The following GALNT18 variants were observed in gnomAD, a reference collection of about 807,000 sequenced individuals.
GALNT18 encodes the protein polypeptide N-acetylgalactosaminyltransferase 18, also known as GalNAc-transferase 18.
In GALNT18, 44 loss-of-function variants were observed where a neutral mutation model predicts 69.5. The observed-to-expected ratio is 0.63, with a 90% CI of 0.50 to 0.81. GALNT18 has a LOEUF of 0.81. GALNT18 is among the 40% of genes least tolerant of loss of function. GALNT18 has a pLI of 0.00. For missense variants in GALNT18, 715 were observed against 810.0 expected, an observed-to-expected ratio of 0.88 and a Z score of 1.42; for synonymous variants, 364 against 318.2, an observed-to-expected ratio of 1.14 and a Z score of -1.53.
At position 11,515,326 on chromosome 11, in the gene GALNT18, T is replaced by G. The variant is rs539619782; in HGVS notation, c.236-66390A>C. Among the ~76,000 whole-genome samples, 10 of 125,072 alleles carry G rather than the reference T, an allele frequency of 8.0e-5. No individual in the cohort carries two copies. In the East Asian group the frequency reaches 2.7e-3, roughly 33 times the overall value. The allele number at this position is 125,072 out of a possible 152,430, so 82.1% of individuals were successfully genotyped here. ...CCCATTTTATAGACAAATAGATTAA[T>G]ACTCCTGTTTTACAAAAAAGGGCGG... On this transcript the variant is annotated intron_variant, in intron 1 of 10. Transcript: ENST00000227756.
chr11:11,293,209 G>A lies in GALNT18; in HGVS notation c.1513-16C>T, dbSNP rs1849335169. The A allele has an allele frequency of 1.5e-6, 2 of 1,317,528 alleles. No homozygotes were observed. The highest frequency in any genetic ancestry group is 3.0e-5 in the African/African-American group (2 of 66,424). The allele number at this position is 1,317,528 out of a possible 1,614,324, so 81.6% of individuals were successfully genotyped here. On this transcript the variant is annotated splice_polypyrimidine_tract_variant and intron_variant, in intron 9 of 10. Coordinates refer to ENST00000227756, the MANE Select transcript of GALNT18 (RefSeq NM_198516.3). Reference sequence around the variant, plus strand: ...AGTACACGTTCTGGGGGCGGAGGGAGGGAGAGAGTGTGGATAAATGCCAAT... The same window carrying A: ...AGTACACGTTCTGGGGGCGGAGGGAAGGAGAGAGTGTGGATAAATGCCAAT...
chr11:11,478,042 C>T (rs572333256), intron 1 of GALNT18, among the ~76,000 whole-genome samples: 1 of 152,180 alleles, frequency 6.6e-6, no homozygotes, highest in Non-Finnish European at 1.5e-5. Flanking sequence ...GGGCTTTATG[C>T]TCTCAGCAAA....
intron 6 of GALNT18, chr11:11,353,256 G>A (rs1191571860): frequency 1.5e-5 from 16 of 1,060,158 alleles, no homozygotes; most frequent in Non-Finnish European, 2.2e-5. Context: ...AGCGGCTGTG[G>A]CCGCTCTCCC....
chr11:11,608,631 G>C (rs1859812365), intron 1 of GALNT18, among the ~76,000 whole-genome samples: 1 of 152,126 alleles, frequency 6.6e-6, no homozygotes, highest in Admixed American at 6.5e-5. Flanking sequence ...AAAGTACTGG[G>C]ATTACAGGCG....
rs1478050326 is a variant in GALNT18 at position 11,347,338 on chromosome 11, T to C, written c.1093-6334A>G. Among the ~76,000 whole-genome samples the C allele has an allele frequency of 6.6e-6, 1 of 152,248 alleles. No homozygotes were observed. The highest frequency in any genetic ancestry group is 2.4e-5 in the African/African-American group (1 of 41,474). On this transcript the variant is annotated intron_variant, in intron 6 of 10. Transcript: ENST00000227756. This position sits in a 1 kb window ranked among gnomAD's most constrained non-coding sequence, Gnocchi z 4.0. ...TGGGATGTAGTTTGATAATCTCTTC[T>C]ACTCCAAGACTCATGACTGCTCCAT...
At chr11:11,275,726 G>A (rs996424443) in intron 10 of GALNT18, among the ~76,000 whole-genome samples, 6 of 152,144 alleles carry the variant, frequency 3.9e-5, no homozygotes, top group African/African-American at 7.2e-5. Context: ...GTAAGGAAGG[G>A]GTCCAGCTTC....
rs781499110 is a variant in GALNT18 at position 11,621,573 on chromosome 11, G to C, written c.21C>G (p.Thr7=). ...TCACGCAAGTGGACACCAAAGTTTT[G>C]GTCTTCCTGGTGCACACCATTCTGG... MVCTRK[T]KTLVSTCVIL... Residue 7 remains threonine, a synonymous_variant, in exon 1 of 11, where the codon ACC becomes ACG. Coordinates refer to ENST00000227756, the MANE Select transcript of GALNT18 (RefSeq NM_198516.3). The surrounding 1 kb of genome is among the most constrained non-coding windows in gnomAD (Gnocchi z 9.3). 1 of 1,605,586 alleles carries C rather than the reference G, an allele frequency of 6.2e-7. No individual in the cohort carries two copies. The highest frequency in any genetic ancestry group is 8.5e-7 in the Non-Finnish European group (1 of 1,175,558).
At chr11:11,391,892 C>A (rs1473080783) in intron 3 of GALNT18, among the ~76,000 whole-genome samples, 1 of 152,228 alleles carries the variant, frequency 6.6e-6, no homozygotes. Context: ...CGGAGCCATA[C>A]CCCAGCCCTG....
chr11:11,283,208 G>A (rs1376238261), intron 10 of GALNT18, among the ~76,000 whole-genome samples: 1 of 152,172 alleles, frequency 6.6e-6, no homozygotes, highest in Non-Finnish European at 1.5e-5. Context: ...AGGCTGGAGT[G>A]CAGTAGCAGG....
At chr11:11,551,304 A>T (rs529345379) in intron 1 of GALNT18, among the ~76,000 whole-genome samples, 16 of 152,228 alleles carry the variant, frequency 1.1e-4, no homozygotes, top group Non-Finnish European at 2.2e-4. Flanking sequence ...GAGGTCTGTC[A>T]TAGAACAAGG....
At chr11:11,532,688 A>G (rs529276505) in intron 1 of GALNT18, among the ~76,000 whole-genome samples, 1 of 152,348 alleles carries the variant, frequency 6.6e-6, no homozygotes, top group African/African-American at 2.4e-5. Context: ...CTGGAAAAAC[A>G]CAGAGGGCTT....
chr11:11,474,345 G>T (rs950111860), intron 1 of GALNT18, among the ~76,000 whole-genome samples: 1 of 152,208 alleles, frequency 6.6e-6, no homozygotes, highest in African/African-American at 2.4e-5. Context: ...AAAATGGCAC[G>T]AGTGTGATTG....
intron 1 of GALNT18, among the ~76,000 whole-genome samples, chr11:11,575,369 T>A (rs935425599): frequency 3.9e-5 from 6 of 152,148 alleles, no homozygotes; most frequent in South Asian, 4.1e-4. Flanking sequence ...CTTCTCAAAC[T>A]AAACAGCTGT....
chr11:11,434,917 T>C lies in GALNT18; in HGVS notation c.429-2130A>G, dbSNP rs75434120. Among the ~76,000 whole-genome samples the C allele has an allele frequency of 4.4e-3, 675 of 152,284 alleles. 3 individuals carry two copies. Among genetic ancestry groups the C allele is most frequent in the African/African-American group, 0.014 (595 of 41,572 alleles). Reference sequence around the variant, plus strand: ...TCTAGCTAGTATTTATTTATGGAGATCAAGACCAGCAGTTGGGTTTTCCCT... The same window carrying C: ...TCTAGCTAGTATTTATTTATGGAGACCAAGACCAGCAGTTGGGTTTTCCCT... On this transcript the variant is annotated intron_variant, in intron 2 of 10. Transcript: ENST00000227756.
chr11:11,481,335 C>T (rs1856525403), intron 1 of GALNT18, among the ~76,000 whole-genome samples: 1 of 152,148 alleles, frequency 6.6e-6, no homozygotes, highest in Admixed American at 6.5e-5. Flanking sequence ...CTTAGGATCC[C>T]CCCAGAAGCT....
chr11:11,315,667 C>T lies in GALNT18; in HGVS notation c.1512+11419G>A, dbSNP rs1034260073. The stretch of plus-strand genomic sequence containing the variant: ...ATCATGGCATACAGGCCATCACATC[C>T]CTCACAATCATTCAGTGATGTGCAA... On this transcript the variant is annotated intron_variant, in intron 9 of 10. Coordinates refer to ENST00000227756, the MANE Select transcript of GALNT18 (RefSeq NM_198516.3). The surrounding 1 kb of genome is among the most constrained non-coding windows in gnomAD (Gnocchi z 5.6). 1.3e-5 allele frequency among the ~76,000 whole-genome samples: 2 copies of T among 152,186 alleles called. No homozygotes were observed. The highest frequency in any genetic ancestry group is 4.8e-5 in the African/African-American group (2 of 41,442).
At chr11:11,417,635 C>T (rs1268047893) in intron 3 of GALNT18, among the ~76,000 whole-genome samples, 1 of 152,200 alleles carries the variant, frequency 6.6e-6, no homozygotes, top group African/African-American at 2.4e-5. Flanking sequence ...AGGGCTTGGG[C>T]TCATTCTTTT....
At chr11:11,284,188 T>C (rs1478928525) in intron 10 of GALNT18, among the ~76,000 whole-genome samples, 1 of 152,204 alleles carries the variant, frequency 6.6e-6, no homozygotes, top group Non-Finnish European at 1.5e-5. Context: ...TCCATGAGTC[T>C]CTTGGGCACC....
At chr11:11,580,781 A>G (rs1859059947) in intron 1 of GALNT18, among the ~76,000 whole-genome samples, 1 of 152,218 alleles carries the variant, frequency 6.6e-6, no homozygotes, top group Non-Finnish European at 1.5e-5. Context: ...TGGGCTCAGC[A>G]GGGATTAGGG....
Sources: gnomAD v4.1 joint callset for allele counts (sites outside exome capture counted in the v4.1 genomes callset) on GRCh38, gnomAD v4.1.1 for gene constraint, Gnocchi (gnomAD v3.1) non-coding constraint, MANE v1.5 for transcripts, NCBI Gene and HGNC (gene_info 2026-07-23, HGNC 2026-07-21) for gene names.